Variants in IFNG-AS1 observed in about 807,000 individuals in gnomAD.
IFNG-AS1 encodes the protein IFNG antisense RNA 1 (non-protein coding).
At chr12:67,995,435 A>AG (rs1879615224) in intron 1 of IFNG-AS1, among the ~76,000 whole-genome samples, 1 of 148,974 alleles carries the variant, frequency 6.7e-6, no homozygotes, top group Non-Finnish European at 1.5e-5. Context: ...AAAAAAAAAA[A>AG]AAAAGGGCCG....
chr12:68,009,005 A>T (rs986295532), intron 3 of IFNG-AS1, among the ~76,000 whole-genome samples: 2 of 152,244 alleles, frequency 1.3e-5, no homozygotes, highest in African/African-American at 4.8e-5. Context: ...ACAACTTTTG[A>T]GTCCAAATAA....
intron 4 of IFNG-AS1, chr12:68,020,520 T>C (rs1427856959): frequency 2.0e-5 from 3 of 152,164 alleles, no homozygotes; most frequent in Non-Finnish European, 4.4e-5. Flanking sequence ...TGGAAATAAA[T>C]GTTTACAACC....
At chr12:68,018,317 C>A (rs745583060) in intron 3 of IFNG-AS1, among the ~76,000 whole-genome samples, 4 of 152,098 alleles carry the variant, frequency 2.6e-5, no homozygotes, top group Non-Finnish European at 5.9e-5. Flanking sequence ...GCTTGAGGCA[C>A]AGAATGAATT....
intron 3 of IFNG-AS1, among the ~76,000 whole-genome samples, chr12:68,007,480 A>G (rs1879931826): frequency 6.6e-6 from 1 of 152,258 alleles, no homozygotes; most frequent in Admixed American, 6.5e-5. Context: ...TATTTTAGTC[A>G]GAAAAAATAA....
chr12:67,998,732 A>G (rs1180161098), intron 2 of IFNG-AS1, among the ~76,000 whole-genome samples: 1 of 152,156 alleles, frequency 6.6e-6, no homozygotes, highest in Non-Finnish European at 1.5e-5. Flanking sequence ...ACCACACTGA[A>G]GGGGATGAGG....
chr12:68,002,894 T>C (rs1426193621), intron 2 of IFNG-AS1, among the ~76,000 whole-genome samples: 2 of 152,244 alleles, frequency 1.3e-5, no homozygotes, highest in African/African-American at 4.8e-5. Flanking sequence ...TGTGCTGCGT[T>C]CAAGTCTCTC....
intron 3 of IFNG-AS1, among the ~76,000 whole-genome samples, chr12:68,015,224 C>T (rs1025369419): frequency 2.6e-5 from 4 of 152,118 alleles, no homozygotes; most frequent in Non-Finnish European, 5.9e-5. Context: ...GGGGCTTCAA[C>T]TCGGGGCTGG....
At chr12:67,994,474 C>A (rs1270856618) in intron 1 of IFNG-AS1, among the ~76,000 whole-genome samples, 1 of 152,176 alleles carries the variant, frequency 6.6e-6, no homozygotes, top group African/African-American at 2.4e-5. Context: ...ACACTTATTT[C>A]TTGAGTAAAC....
At chr12:68,007,392 T>C (rs1879930153) in intron 3 of IFNG-AS1, among the ~76,000 whole-genome samples, 1 of 152,186 alleles carries the variant, frequency 6.6e-6, no homozygotes, top group African/African-American at 2.4e-5. Context: ...CCCTTGACAA[T>C]TAAGAATGTC....
At position 68,001,052 on chromosome 12, in the gene IFNG-AS1, C is replaced by T. The variant is rs149938767; in HGVS notation, n.184+4979C>T. Among the ~76,000 whole-genome samples the T allele has an allele frequency of 3.9e-4, 60 of 152,270 alleles. No individual in the cohort carries two copies. In the East Asian group the frequency reaches 0.011, roughly 28 times the overall value. On this transcript the variant is annotated intron_variant and non_coding_transcript_variant, in intron 2 of 5. Coordinates refer to ENST00000536914, the Ensembl canonical transcript of IFNG-AS1. ...AGACTCATCACTACTCAATAGTTACCTCACACTCCTAGTGTCAAACCAGAG... is the reference window on the plus strand; with the variant it reads ...AGACTCATCACTACTCAATAGTTACTTCACACTCCTAGTGTCAAACCAGAG...
At chr12:67,993,901 C>T (rs889334768) in intron 1 of IFNG-AS1, among the ~76,000 whole-genome samples, 1 of 152,022 alleles carries the variant, frequency 6.6e-6, no homozygotes, top group East Asian at 1.9e-4. Flanking sequence ...CTTAAACATA[C>T]GTTTAGTAAA....
intron 1 of IFNG-AS1, among the ~76,000 whole-genome samples, chr12:67,992,285 T>G (rs1879535696): frequency 6.6e-6 from 1 of 152,248 alleles, no homozygotes; most frequent in African/African-American, 2.4e-5. Context: ...TGATACACAT[T>G]ATTTTCACTG....
intron 1 of IFNG-AS1, among the ~76,000 whole-genome samples, chr12:67,993,730 CT>C (rs1879570099): frequency 6.6e-6 from 1 of 152,084 alleles, no homozygotes. Flanking sequence ...TAACAAAGTT[CT>C]AAGAAGACAT....
intron 2 of IFNG-AS1, among the ~76,000 whole-genome samples, chr12:68,003,745 T>A (rs907858365): frequency 6.6e-6 from 1 of 151,884 alleles, no homozygotes; most frequent in Non-Finnish European, 1.5e-5. Context: ...AAACCCCGTC[T>A]CTACTAAAAA....
intron 1 of IFNG-AS1, among the ~76,000 whole-genome samples, chr12:67,994,980 G>A (rs1879600766): frequency 6.6e-6 from 1 of 152,192 alleles, no homozygotes; most frequent in Admixed American, 6.5e-5. Flanking sequence ...ATGCTTACAA[G>A]AGTGTCTTAA....
Position 67,992,861 on chromosome 12 carries a change from T to G in IFNG-AS1, n.52-3080T>G, listed in dbSNP as rs186591601. ...TAGAGATAATATCACTGTGCCAACT[T>G]TAAGGTTCAGAAAACATCCCTTGAT... On this transcript the variant is annotated intron_variant and non_coding_transcript_variant, in intron 1 of 5. Transcript: ENST00000536914. Among the ~76,000 whole-genome samples, 43 of 152,368 alleles carry G rather than the reference T, an allele frequency of 2.8e-4. No homozygotes were observed. In the East Asian group the frequency reaches 5.4e-3, roughly 19 times the overall value.
chr12:67,996,993 G>A (rs759432150), intron 2 of IFNG-AS1, among the ~76,000 whole-genome samples: 28 of 151,626 alleles, frequency 1.8e-4, no homozygotes, highest in Non-Finnish European at 3.2e-4. Context: ...TAAAATAGCA[G>A]GATAAAAACA....
chr12:68,018,085 G>C (rs1379380132), intron 3 of IFNG-AS1, among the ~76,000 whole-genome samples: 1 of 151,952 alleles, frequency 6.6e-6, no homozygotes, highest in Non-Finnish European at 1.5e-5. Context: ...CCTCTGACTG[G>C]TACCTCAAAC....
intron 2 of IFNG-AS1, among the ~76,000 whole-genome samples, chr12:67,999,050 A>G (rs1879706581): frequency 6.6e-6 from 1 of 152,214 alleles, no homozygotes; most frequent in African/African-American, 2.4e-5. Flanking sequence ...TTAACACTGT[A>G]ATACTGGACT....
Sources: gnomAD v4.1 joint callset for allele counts (sites outside exome capture counted in the v4.1 genomes callset) on GRCh38, gnomAD v4.1.1 for gene constraint, MANE v1.5 for transcripts, NCBI Gene and HGNC (gene_info 2026-07-23, HGNC 2026-07-21) for gene names.